ZYG11A: variants seen among roughly 807,000 people sequenced by gnomAD.
ZYG11A encodes protein zyg-11 homolog A.
In ZYG11A, 62 loss-of-function variants were observed where a neutral mutation model predicts 77.2. The observed-to-expected ratio is 0.80, with a 90% confidence interval of 0.65 to 0.99. The LOEUF (loss-of-function observed/expected upper bound fraction) is 0.99. Ranked by LOEUF, ZYG11A falls within the 50% of genes least tolerant of loss-of-function variation. The pLI is 0.00. For synonymous variants in ZYG11A, 315 were observed against 324.6 expected, an observed-to-expected ratio of 0.97 and a Z score of 0.32; for missense variants, 828 against 896.8, an observed-to-expected ratio of 0.92 and a Z score of 0.98.
intron 10 of ZYG11A, among the ~76,000 whole-genome samples, chr1:52,880,259 G>T (rs984453012): frequency 3.3e-5 from 5 of 151,902 alleles, no homozygotes; most frequent in Non-Finnish European, 7.4e-5. Flanking sequence ...GCGTGGGGGG[G>T]ACATCTCAAT....
chr1:52,855,379 G>C (rs1242825498), intron 2 of ZYG11A, among the ~76,000 whole-genome samples: 1 of 151,944 alleles, frequency 6.6e-6, no homozygotes, highest in African/African-American at 2.4e-5. Flanking sequence ...TAGTAGAGAT[G>C]GGGTTTCACC....
chr1:52,852,387 TGA>T (rs1645730677), intron 1 of ZYG11A, among the ~76,000 whole-genome samples: 1 of 136,176 alleles, frequency 7.3e-6, no homozygotes. Context: ...TTTTTTTTTT[TGA>T]GGTAGAGTCT....
rs1645523624 is a variant in ZYG11A, at chr1:52,844,430, C to A, written c.90+1457C>A. On this transcript the variant is annotated intron_variant, in intron 1 of 13. Transcript: ENST00000371528. ...CATTTTTTCCTGCTTGGAATCGAAA[C>A]AAGATTTCTTTACAAAAGTACTCAC... 2.6e-5 allele frequency among the ~76,000 whole-genome samples: 4 copies of A among 152,110 alleles called. No homozygotes were observed. In the South Asian group the frequency reaches 8.3e-4, roughly 32 times the overall value.
chr1:52,867,470 AATG>A, intron 6 of ZYG11A, 66 bp from the exon 7 acceptor site: 1 of 1,046,196 alleles, frequency 9.6e-7, no homozygotes, highest in East Asian at 2.6e-5. Context: ...GGGAATGCCA[AATG>A]ATTTCTTCTG....
At chr1:52,891,358 T>C (rs914030468) in intron 13 of ZYG11A, among the ~76,000 whole-genome samples, 3 of 151,860 alleles carry the variant, frequency 2.0e-5, no homozygotes, top group Admixed American at 1.3e-4. Context: ...ATGTGTGTTA[T>C]GTTGAGTGGG....
chr1:52,876,690 T>G (rs926473665), intron 8 of ZYG11A, among the ~76,000 whole-genome samples: 37 of 152,234 alleles, frequency 2.4e-4, no homozygotes, highest in African/African-American at 8.9e-4. Flanking sequence ...CCGTCTCATC[T>G]AACACTCTTC....
At chr1:52,879,053 T>A (rs1235429650) in intron 10 of ZYG11A, among the ~76,000 whole-genome samples, 1 of 151,810 alleles carries the variant, frequency 6.6e-6, no homozygotes, top group Non-Finnish European at 1.5e-5. Flanking sequence ...TACTTCTTTA[T>A]CCAGGAAGTC....
intron 3 of ZYG11A, among the ~76,000 whole-genome samples, chr1:52,859,654 GTT>G (rs1645886555): frequency 4.1e-5 from 2 of 48,866 alleles, no homozygotes; most frequent in South Asian, 1.7e-3. Flanking sequence ...ATTTTTATCT[GTT>G]TGTGTATTGC....
At position 52,893,292 on chromosome 1, in the gene ZYG11A, C is replaced by A. The variant is rs1646575403; in HGVS notation, c.*335C>A. The A allele has an allele frequency of 4.6e-6, 1 of 215,206 alleles. No individual in the cohort carries two copies. Among genetic ancestry groups the A allele is most frequent in the African/African-American group, 2.3e-5 (1 of 43,914 alleles). 13.3% of individuals were successfully genotyped at this position (215,206 alleles called of 1,614,324 possible). A position where few individuals can be genotyped will look rare whatever the true frequency, so the allele number is the denominator to read the frequency against. ...TTGGGAGCTTGTCATGGGAGTGGGA[C>A]CTGTTCACTAGAAGAGAAAGGAAAC... On this transcript the variant is annotated 3_prime_UTR_variant, in exon 14 of 14. Coordinates refer to ENST00000371528, the MANE Select transcript of ZYG11A (RefSeq NM_001004339.3).
chr1:52,859,131 A>G (rs890033425), intron 3 of ZYG11A, among the ~76,000 whole-genome samples: 3 of 152,064 alleles, frequency 2.0e-5, no homozygotes, highest in African/African-American at 4.8e-5. Flanking sequence ...CAGTGGCACA[A>G]TCTTGGCTCA....
chr1:52,860,647 G>T, intron 3 of ZYG11A, 84 bp from the exon 4 acceptor site: 2 of 1,419,876 alleles, frequency 1.4e-6, no homozygotes, highest in Non-Finnish European at 1.9e-6. Context: ...TTAAACACTG[G>T]ATGCCCCAAA....
chr1:52,848,298 G>A (rs377045525), intron 1 of ZYG11A, among the ~76,000 whole-genome samples: 2 of 152,106 alleles, frequency 1.3e-5, no homozygotes, highest in South Asian at 2.1e-4. Flanking sequence ...CACTGCACTC[G>A]CCCGACATGC....
At chr1:52,843,886 C>G (rs1210418362) in intron 1 of ZYG11A, among the ~76,000 whole-genome samples, 2 of 152,018 alleles carry the variant, frequency 1.3e-5, no homozygotes, top group African/African-American at 4.8e-5. Flanking sequence ...CGGGGTTTCA[C>G]CATGTTGGCC....
Position 52,857,089 on chromosome 1 carries a change from T to C in ZYG11A, c.348T>C (p.Ala116=). The change falls in exon 3 of 14, where the codon GCT becomes GCC. Residue 116 remains alanine, a synonymous_variant. Transcript: ENST00000371528. Reference sequence around the variant, plus strand: ...TCCAAAAAGCTAAAATCTCTACAGCTGCATTCATAAAAGCCTTCTGCCGTC... The same window carrying C: ...TCCAAAAAGCTAAAATCTCTACAGCCGCATTCATAAAAGCCTTCTGCCGTC... The part of the protein sequence containing the change: ...VNIQKAKIST[A]AFIKAFCRHK... The C allele has an allele frequency of 6.4e-7, 1 of 1,551,740 alleles. No homozygotes were observed. The highest frequency in any genetic ancestry group is 8.7e-7 in the Non-Finnish European group (1 of 1,146,990).
At chr1:52,889,907 G>T (rs1216892450) in intron 13 of ZYG11A, among the ~76,000 whole-genome samples, 1 of 151,540 alleles carries the variant, frequency 6.6e-6, no homozygotes, top group Non-Finnish European at 1.5e-5. Context: ...TAGAGACGGG[G>T]TTTCACTGTG....
At chr1:52,860,973 A>G (rs1362208850) in intron 4 of ZYG11A, 102 bp downstream of exon 4, 14 of 1,187,628 alleles carry the variant, frequency 1.2e-5, no homozygotes, top group South Asian at 1.1e-4. Flanking sequence ...GCTTTATTCT[A>G]TAGTGAGTCA....
intron 10 of ZYG11A, among the ~76,000 whole-genome samples, chr1:52,880,886 A>G (rs1646352019): frequency 6.6e-6 from 1 of 152,214 alleles, no homozygotes; most frequent in African/African-American, 2.4e-5. Flanking sequence ...CTCAGAGAAG[A>G]GGGTCTAGCT....
At chr1:52,892,009 C>T (rs1646551396) in intron 13 of ZYG11A, among the ~76,000 whole-genome samples, 1 of 151,462 alleles carries the variant, frequency 6.6e-6, no homozygotes, top group Admixed American at 6.6e-5. Flanking sequence ...CGCCATTCTC[C>T]TGCCTCAGCC....
In ZYG11A at chr1:52,857,108, T is replaced by C. The variant is rs41294526; in HGVS notation, c.367T>C (p.Cys123Arg). The C allele has an allele frequency of 1.3e-6, 2 of 1,551,842 alleles. No individual in the cohort carries two copies. Among genetic ancestry groups the C allele is most frequent in the Non-Finnish European group, 1.7e-6 (2 of 1,147,032 alleles). The stretch of plus-strand genomic sequence containing the variant: ...TACAGCTGCATTCATAAAAGCCTTC[T>C]GCCGTCATAAGCTCATTGAACTGAA... Reference protein sequence around the residue: ...ISTAAFIKAFCRHKLIELNAT... With the variant: ...ISTAAFIKAFRRHKLIELNAT... Residue 123 changes from cysteine to arginine, a missense_variant, in exon 3 of 14, where the codon TGC becomes CGC. Physicochemically the swap from Cys to Arg is radical, Grantham distance 180. Transcript: ENST00000371528.
Sources: gnomAD v4.1 joint callset for allele counts (sites outside exome capture counted in the v4.1 genomes callset) on GRCh38, gnomAD v4.1.1 for gene constraint, MANE v1.5 for transcripts, NCBI Gene and HGNC (gene_info 2026-07-23, HGNC 2026-07-21) for gene names.